Variants in NT5DC2 observed in about 807,000 individuals in gnomAD.
NT5DC2 encodes 5'-nucleotidase domain containing 2.
In NT5DC2, 41 loss-of-function variants were observed where a neutral mutation model predicts 70.0. That is an observed-to-expected ratio of 0.59 (90% CI 0.46 to 0.76). The LOEUF (loss-of-function observed/expected upper bound fraction) is 0.76. Among genes scored for constraint, NT5DC2 ranks in the 30% least tolerant of loss-of-function variants. NT5DC2 has a pLI of 0.00. For synonymous variants in NT5DC2, 299 were observed against 310.4 expected (o/e 0.96, Z 0.39); for missense variants, 705 against 783.2 (o/e 0.90, Z 1.19).
Position 52,533,767 on chromosome 3 carries a change from T to C in NT5DC2, c.-30A>G, listed in dbSNP as rs1307199689. ...ACCGCGCGCCGCCCGCCGCCCGCGC[T>C]GCCCTCGGCCAGCCCGCCGCCCGCC... On this transcript the variant is annotated 5_prime_UTR_variant, in exon 1 of 14. Transcript: ENST00000422318. 1 of 939,862 alleles carries C rather than the reference T, an allele frequency of 1.1e-6. No homozygotes were observed. The highest frequency in any genetic ancestry group is 1.2e-6 in the Non-Finnish European group (1 of 809,512). The allele number at this position is 939,862 out of a possible 1,614,324, so 58.2% of individuals were successfully genotyped here.
rs920953731 is a variant in NT5DC2, at chr3:52,527,503, C to T, written c.1037+114G>A. 5 of 1,460,572 alleles carry T rather than the reference C, an allele frequency of 3.4e-6. No individual in the cohort carries two copies. In the African/African-American group the frequency reaches 5.6e-5, roughly 16 times the overall value. 90.5% of individuals were successfully genotyped at this position (1,460,572 alleles called of 1,614,324 possible). On this transcript the variant is annotated intron_variant, in intron 9 of 13. Transcript: ENST00000422318. ...ATGCCAGCAAGGGGGTGTTCTCACCCCAAGCACATTGGGCAGTGGGCAAGG... is the reference window on the plus strand; with the variant it reads ...ATGCCAGCAAGGGGGTGTTCTCACCTCAAGCACATTGGGCAGTGGGCAAGG...
At position 52,527,379 on chromosome 3, in the gene NT5DC2, G is replaced by A. The variant is rs1377832477; in HGVS notation, c.1038-4C>T. 1 of 1,614,016 alleles carries A rather than the reference G, an allele frequency of 6.2e-7. No homozygotes were observed. Among genetic ancestry groups the A allele is most frequent in the East Asian group, 2.2e-5 (1 of 44,880 alleles). ...CTCATCGAGTTTTCTGAAAGGCCTG[G>A]GGTGCAGGTAAAGGGCATGACTTCC... On this transcript the variant is annotated splice_region_variant and splice_polypyrimidine_tract_variant and intron_variant, in intron 9 of 13. Coordinates refer to ENST00000422318, the MANE Select transcript of NT5DC2 (RefSeq NM_001134231.2).
Position 52,528,678 on chromosome 3 carries a change from C to T in NT5DC2, c.507G>A (p.Lys169=), listed in dbSNP as rs765979610. 3 of 1,597,080 alleles carry T rather than the reference C, an allele frequency of 1.9e-6. No homozygotes were observed. The highest frequency in any genetic ancestry group is 2.6e-6 in the Non-Finnish European group (3 of 1,172,194). ...GCTGCACGTAGTGGAAGGCGTCAAT[C>T]TTCATCAGAAGGCTCTGGGGGCGCC... ...HYDIQKSLLM[K]IDAFHYVQLG... The change falls in exon 4 of 14, where the codon AAG becomes AAA. Residue 169 remains lysine (K), a synonymous_variant. Transcript: ENST00000422318.
intron 1 of NT5DC2, 32 bp downstream of exon 1, chr3:52,533,474 C>A: frequency 6.7e-7 from 1 of 1,489,240 alleles, no homozygotes; most frequent in Non-Finnish European, 8.9e-7. Context: ...GCGGAAGACA[C>A]CCCGGCGCAC....
In NT5DC2 at chr3:52,527,423, G is replaced by A. The variant is rs191871196; in HGVS notation, c.1038-48C>T. On this transcript the variant is annotated intron_variant, in intron 9 of 13. Transcript: ENST00000422318. The stretch of plus-strand genomic sequence containing the variant: ...GACTTCCAGTCTGTGGCTGGGCCAC[G>A]GGCCGGGCAACCCCCATCCCTCCTC... The A allele has an allele frequency of 1.3e-3, 2,033 of 1,591,582 alleles. 22 individuals are homozygous for A. The African/African-American group carries it at 0.024, about 19-fold the overall frequency.
intron 10 of NT5DC2, chr3:52,525,534 C>T (rs918393364): frequency 1.8e-6 from 1 of 547,668 alleles, no homozygotes; most frequent in South Asian, 2.1e-5. Flanking sequence ...GCCTCGAGGG[C>T]CTTCTCCCTG....
intron 4 of NT5DC2, 49 bp from the exon 5 acceptor site, chr3:52,528,588 C>T: frequency 8.0e-7 from 1 of 1,244,268 alleles, no homozygotes. Flanking sequence ...TGAGCCAGAA[C>T]AGCAGTGTAG....
Position 52,533,815 on chromosome 3 carries a change from G to A in NT5DC2, c.-78C>T. The A allele has an allele frequency of 1.0e-6, 1 of 966,072 alleles. No homozygotes were observed. Among genetic ancestry groups the A allele is most frequent in the Non-Finnish European group, 1.2e-6 (1 of 822,608 alleles). The allele number at this position is 966,072 out of a possible 1,614,324, so 59.8% of individuals were successfully genotyped here. On this transcript the variant is annotated 5_prime_UTR_variant, in exon 1 of 14. Transcript: ENST00000422318. Reference sequence around the variant, plus strand: ...GCCGCCCGCCGCCCTCCGACTGCGCGCCCGCCACGGTGGCCTCGTGCTCCT... The same window carrying A: ...GCCGCCCGCCGCCCTCCGACTGCGCACCCGCCACGGTGGCCTCGTGCTCCT...
Position 52,525,224 on chromosome 3 carries a change from G to A in NT5DC2, c.1191C>T (p.Leu397=), listed in dbSNP as rs748627804. ...CCTCCCTCACCGCCAGATCACTATA[G>A]AGGTGGTCCCCGAAGTAGAGCACGC... ...GPRVLYFGDH[L]YSDLADLMLR... Residue 397 remains leucine, a synonymous_variant, in exon 11 of 14, where the codon CTC becomes CTT. Coordinates refer to ENST00000422318, the MANE Select transcript of NT5DC2 (RefSeq NM_001134231.2). 2 of 1,612,384 alleles carry A rather than the reference G, an allele frequency of 1.2e-6. No homozygotes were observed. The highest frequency in any genetic ancestry group is 2.2e-5 in the South Asian group (2 of 90,942).
At position 52,532,459 on chromosome 3, in the gene NT5DC2, C is replaced by G. The variant is rs960752572; in HGVS notation, c.232+1047G>C. The G allele has an allele frequency of 2.5e-5, 25 of 985,338 alleles. 1 individual carries two copies. Among genetic ancestry groups the G allele is most frequent in the Non-Finnish European group, 2.9e-5 (24 of 829,964 alleles). The allele number at this position is 985,338 out of a possible 1,614,324, so 61.0% of individuals were successfully genotyped here. On this transcript the variant is annotated intron_variant, in intron 1 of 13. Transcript: ENST00000422318. ...AATGACCATTCCTCAGGGGCCTTTA[C>G]CATCCTGCCTTTACTGGTCAAGAAG... is the stretch of plus-strand genomic sequence containing the variant.
chr3:52,525,518 G>A (rs747502960), intron 10 of NT5DC2: 16 of 571,498 alleles, frequency 2.8e-5, no homozygotes, highest in Admixed American at 6.3e-5. Flanking sequence ...CTGGCATGGT[G>A]CCCATGCCTC....
Position 52,524,474 on chromosome 3 carries a change from C to G in NT5DC2, c.1670G>C (p.Arg557Pro). ...TCCCAGACAATAAAGGTGCCCTCAG[C>G]GGATGTGGGCCATGTCACCAAGGAA... ...TPFLGDMAHI[R>P] The change falls in exon 14 of 14, where the codon CGC becomes CCC. Residue 557 changes from arginine to proline, a missense_variant. Arg to Pro is a moderately radical substitution (Grantham distance 103). Coordinates refer to ENST00000422318, the MANE Select transcript of NT5DC2 (RefSeq NM_001134231.2). 6.2e-7 allele frequency: 1 copy of G among 1,612,698 alleles called. No homozygotes were observed. The highest frequency in any genetic ancestry group is 8.5e-7 in the Non-Finnish European group (1 of 1,179,990).
chr3:52,528,180 C>T lies in NT5DC2; in HGVS notation c.771+3G>A. On this transcript the variant is annotated splice_donor_region_variant and intron_variant, in intron 6 of 13. Transcript: ENST00000422318. ...CATCCGAGGGCAGGCCCAGCATCCTCACCGTCACGTCCTTGTAGAGATGTG... is the reference window on the plus strand; with the variant it reads ...CATCCGAGGGCAGGCCCAGCATCCTTACCGTCACGTCCTTGTAGAGATGTG... 1.9e-6 allele frequency: 3 copies of T among 1,613,174 alleles called. No homozygotes were observed. The highest frequency in any genetic ancestry group is 2.5e-6 in the Non-Finnish European group (3 of 1,180,044).
At chr3:52,532,533 A>G (rs2079374792) in intron 1 of NT5DC2, 17 of 982,130 alleles carry the variant, frequency 1.7e-5, no homozygotes, top group Non-Finnish European at 1.9e-5. Flanking sequence ...CTGTCTAGCC[A>G]GTTAGAATCT....
chr3:52,530,894 G>C (rs2079350411), intron 1 of NT5DC2, among the ~76,000 whole-genome samples: 1 of 152,140 alleles, frequency 6.6e-6, no homozygotes, highest in South Asian at 2.1e-4. Context: ...AGGGAGAAGG[G>C]AGCAGGCAGG....
rs2079359989 is a variant in NT5DC2 at position 52,531,583 on chromosome 3, C to T, written c.232+1923G>A. On this transcript the variant is annotated intron_variant, in intron 1 of 13. Transcript: ENST00000422318. This position sits in a 1 kb window ranked among gnomAD's most constrained non-coding sequence, Gnocchi z 4.1. ...ACAAAGCAGGATGTGGAAACAGCCA[C>T]AGGGCCTGGTGGCCTGGCCTGATTT... Among the ~76,000 whole-genome samples, 1 of 150,644 alleles carries T rather than the reference C, an allele frequency of 6.6e-6. No individual in the cohort carries two copies. The highest frequency in any genetic ancestry group is 2.4e-5 in the African/African-American group (1 of 40,832).
At chr3:52,525,181 C>G (rs377083300) in intron 11 of NT5DC2, 28 bp downstream of exon 11, 255 of 1,600,414 alleles carry the variant, frequency 1.6e-4, no homozygotes, top group Admixed American at 1.7e-4. Flanking sequence ...GGCCCTCCCC[C>G]ACTGCAGCCC....
intron 10 of NT5DC2, among the ~76,000 whole-genome samples, chr3:52,526,810 C>G (rs1262324349): frequency 6.6e-6 from 1 of 152,156 alleles, no homozygotes; most frequent in Non-Finnish European, 1.5e-5. Flanking sequence ...CAGGTGCATG[C>G]TACCATGCCC....
chr3:52,527,250 C>A, intron 10 of NT5DC2, 44 bp downstream of exon 10: 1 of 1,576,326 alleles, frequency 6.3e-7, no homozygotes. Context: ...CCTAGCTAGG[C>A]CCCATGCCCC....
Sources: allele counts gnomAD v4.1 joint callset (sites outside exome capture counted in the v4.1 genomes callset), GRCh38; gene constraint gnomAD v4.1.1; non-coding constraint Gnocchi (gnomAD v3.1); transcripts MANE v1.5; gene names NCBI Gene and HGNC (gene_info 2026-07-23, HGNC 2026-07-21).